Variants in ZDHHC17 observed in about 807,000 individuals in gnomAD.
ZDHHC17 encodes the protein palmitoyltransferase ZDHHC17.
ZDHHC17 carries 40 observed loss-of-function variants against 90.3 expected under a neutral mutation model. That is an observed-to-expected ratio of 0.44 (90% CI 0.34 to 0.58). The LOEUF is 0.58. Ranked by LOEUF, ZDHHC17 falls within the 20% of genes least tolerant of loss-of-function variation. The pLI is 0.01. For synonymous variants in ZDHHC17, 235 were observed against 252.4 expected (o/e 0.93, Z 0.65); for missense variants, 614 against 780.8 (o/e 0.79, Z 2.55).
At chr12:76,815,260 A>T in intron 6 of ZDHHC17, 50 bp downstream of exon 6, 1 of 1,301,838 alleles carries the variant, frequency 7.7e-7, no homozygotes, top group South Asian at 1.4e-5. Flanking sequence ...GCATAATACA[A>T]TATGAAGTAA....
intron 4 of ZDHHC17, 41 bp downstream of exon 4, chr12:76,809,161 AT>A: frequency 7.1e-7 from 1 of 1,404,040 alleles, no homozygotes; most frequent in Non-Finnish European, 9.6e-7. Flanking sequence ...TGGTTCCTTT[AT>A]TAGTATATAA....
chr12:76,821,110 C>G (rs761917768), intron 7 of ZDHHC17: 1 of 1,287,818 alleles, frequency 7.8e-7, no homozygotes, highest in African/African-American at 1.5e-5. Flanking sequence ...TCAGCTGGAC[C>G]GAGGCAACTG....
chr12:76,834,032 G>A (rs1363180999), intron 10 of ZDHHC17, among the ~76,000 whole-genome samples: 1 of 151,886 alleles, frequency 6.6e-6, no homozygotes, highest in African/African-American at 2.4e-5. Context: ...TAATGATATG[G>A]GCTCATATTT....
intron 3 of ZDHHC17, among the ~76,000 whole-genome samples, chr12:76,807,631 A>G (rs950411868): frequency 1.3e-5 from 2 of 152,132 alleles, no homozygotes; most frequent in African/African-American, 4.8e-5. Context: ...TTTTTTTAGG[A>G]TGCAGAAAAG....
intron 11 of ZDHHC17, 24 bp downstream of exon 11, chr12:76,842,130 C>T (rs1341537704): frequency 6.5e-7 from 1 of 1,534,572 alleles, no homozygotes; most frequent in Non-Finnish European, 8.7e-7. Flanking sequence ...AACTAAGTCA[C>T]TTGTATTTAA....
At chr12:76,769,842 TACTG>T (rs1231487321) in intron 1 of ZDHHC17, among the ~76,000 whole-genome samples, 1 of 152,182 alleles carries the variant, frequency 6.6e-6, no homozygotes, top group Non-Finnish European at 1.5e-5. Flanking sequence ...AGTTGAAAAT[TACTG>T]ACCAAAAAAT....
At chr12:76,813,386 TTAAAG>T (rs1565787015) in intron 5 of ZDHHC17, 2 of 449,430 alleles carry the variant, frequency 4.5e-6, no homozygotes, top group Admixed American at 2.4e-5. Flanking sequence ...GACAACACTA[TTAAAG>T]TAAATCCAGA....
intron 1 of ZDHHC17, among the ~76,000 whole-genome samples, chr12:76,774,251 A>G (rs1204495766): frequency 9.5e-6 from 1 of 105,784 alleles, no homozygotes; most frequent in Admixed American, 1.0e-4. Flanking sequence ...CCCTGTCTCA[A>G]AATAAAGAAT....
intron 1 of ZDHHC17, among the ~76,000 whole-genome samples, chr12:76,772,044 TTATAAG>T (rs1193123077): frequency 1.3e-5 from 2 of 152,186 alleles, no homozygotes; most frequent in African/African-American, 4.8e-5. Flanking sequence ...TGCCAGCAAA[TTATAAG>T]TATGAGCTAG....
At chr12:76,850,079 G>T (rs1953544563) in intron 16 of ZDHHC17, among the ~76,000 whole-genome samples, 1 of 152,012 alleles carries the variant, frequency 6.6e-6, no homozygotes, top group South Asian at 2.1e-4. Context: ...ACCACGCCCA[G>T]CTAGTTTTTG....
chr12:76,841,875 G>C lies in ZDHHC17; in HGVS notation c.1142-107G>C, dbSNP rs531196308. The C allele has an allele frequency of 3.7e-4, 300 of 804,032 alleles. No homozygotes were observed. In the African/African-American group the frequency reaches 4.8e-3, roughly 13 times the overall value. The allele number at this position is 804,032 out of a possible 1,614,324, so 49.8% of individuals were successfully genotyped here. ...TTATAAACATAATGCAGAACAGTTT[G>C]TATTTTTTTGACTGGTAGGTGTTTT... is the stretch of plus-strand genomic sequence containing the variant. On this transcript the variant is annotated intron_variant, in intron 10 of 16. Transcript: ENST00000426126.
chr12:76,839,891 A>T (rs1843964811), intron 10 of ZDHHC17, among the ~76,000 whole-genome samples: 2 of 152,230 alleles, frequency 1.3e-5, no homozygotes, highest in South Asian at 2.1e-4. Flanking sequence ...AAAAATGTTT[A>T]TACCTAAATA....
intron 1 of ZDHHC17, chr12:76,769,154 G>T (rs550317154): frequency 1.2e-4 from 41 of 329,782 alleles, no homozygotes; most frequent in South Asian, 6.6e-4. Context: ...AGCCTCCTGC[G>T]TTCAAGCGAT....
intron 1 of ZDHHC17, among the ~76,000 whole-genome samples, chr12:76,786,011 A>G (rs1565766909): frequency 6.6e-6 from 1 of 152,202 alleles, no homozygotes; most frequent in Non-Finnish European, 1.5e-5. Context: ...ATACAGAGGA[A>G]GGGACGGATT....
chr12:76,841,928 A>G (rs1592498249), intron 10 of ZDHHC17, 54 bp from the exon 11 acceptor site: 4 of 1,318,632 alleles, frequency 3.0e-6, no homozygotes, highest in African/African-American at 3.0e-5. Flanking sequence ...ATAAGTTTAT[A>G]TATAATAGTA....
At chr12:76,788,505 A>C (rs572786777) in intron 1 of ZDHHC17, among the ~76,000 whole-genome samples, 1 of 152,292 alleles carries the variant, frequency 6.6e-6, no homozygotes, top group African/African-American at 2.4e-5. Flanking sequence ...AGCATAAATG[A>C]ACAGTTCTAA....
intron 10 of ZDHHC17, among the ~76,000 whole-genome samples, chr12:76,832,612 A>G (rs1229948297): frequency 6.6e-6 from 1 of 152,228 alleles, no homozygotes; most frequent in East Asian, 1.9e-4. Flanking sequence ...ATTCATTAAT[A>G]TTGAACTTAT....
At chr12:76,814,257 A>G (rs1953058472) in intron 5 of ZDHHC17, among the ~76,000 whole-genome samples, 1 of 151,942 alleles carries the variant, frequency 6.6e-6, no homozygotes, top group African/African-American at 2.4e-5. Context: ...TTTTAGTTAT[A>G]ATTTGCTAAA....
At chr12:76,785,725 T>C (rs1378850770) in intron 1 of ZDHHC17, among the ~76,000 whole-genome samples, 1 of 152,222 alleles carries the variant, frequency 6.6e-6, no homozygotes, top group Non-Finnish European at 1.5e-5. Context: ...AGATGGGATG[T>C]GTCTTCTAAG....
Sources: allele counts gnomAD v4.1 joint callset (sites outside exome capture counted in the v4.1 genomes callset), GRCh38; gene constraint gnomAD v4.1.1; transcripts MANE v1.5; gene names NCBI Gene and HGNC (gene_info 2026-07-23, HGNC 2026-07-21).